The following RABGAP1L variants were observed in gnomAD, a reference collection of about 807,000 sequenced individuals.
RABGAP1L encodes the protein RAB GTPase activating protein 1 like, also known as rab GTPase-activating protein 1-like.
In RABGAP1L, 63 loss-of-function variants were observed where a neutral mutation model predicts 137.7. The ratio of observed to expected loss-of-function variants is 0.46; its 90% CI spans 0.37 to 0.56. The LOEUF (loss-of-function observed/expected upper bound fraction) is 0.56, where lower values mean the gene tolerates loss of function less well. Among genes scored for constraint, RABGAP1L ranks in the 20% least tolerant of loss-of-function variants. The probability of loss-of-function intolerance (pLI) is 0.00; values close to 1 mark genes in which losing one functional copy is unlikely to be tolerated. For missense variants in RABGAP1L, 1,095 were observed against 1,244.0 expected (o/e 0.88, Z 1.80); for synonymous variants, 431 against 433.7 (o/e 0.99, Z 0.08).
intron 25 of RABGAP1L, 43 bp downstream of exon 25, chr1:174,988,881 T>G: frequency 6.7e-7 from 1 of 1,496,284 alleles, no homozygotes; most frequent in Non-Finnish European, 9.0e-7. Flanking sequence ...AATAAACAAT[T>G]AATGGTCCAG....
intron 14 of RABGAP1L, among the ~76,000 whole-genome samples, chr1:174,652,044 C>T (rs1490708861): frequency 6.6e-6 from 1 of 152,178 alleles, no homozygotes. Flanking sequence ...GTGACAAAAT[C>T]TCTCAGCATT....
chr1:174,331,819 C>A, intron 11 of RABGAP1L, among the ~76,000 whole-genome samples: 1 of 126,246 alleles, frequency 7.9e-6, no homozygotes, highest in Non-Finnish European at 1.7e-5. Flanking sequence ...TAATGCTATC[C>A]CTCCCCCTCC....
chr1:174,229,195 CTTG>C (rs1186751056), intron 3 of RABGAP1L, among the ~76,000 whole-genome samples: 1 of 152,096 alleles, frequency 6.6e-6, no homozygotes, highest in African/African-American at 2.4e-5. Context: ...GAGCTTGACA[CTTG>C]TTGTTGGTAT....
intron 13 of RABGAP1L, among the ~76,000 whole-genome samples, chr1:174,435,318 A>C (rs1571791095): frequency 6.6e-6 from 1 of 152,286 alleles, no homozygotes; most frequent in South Asian, 2.1e-4. Flanking sequence ...GCACCTGTTC[A>C]TCTTTGTCTA....
At chr1:174,803,739 T>A (rs1688975831) in intron 18 of RABGAP1L, among the ~76,000 whole-genome samples, 1 of 151,426 alleles carries the variant, frequency 6.6e-6, no homozygotes, top group Non-Finnish European at 1.5e-5. Context: ...GAGCTAATAC[T>A]CAAACAGTGG....
At chr1:174,419,524 C>T (rs1053424421) in intron 13 of RABGAP1L, among the ~76,000 whole-genome samples, 5 of 152,074 alleles carry the variant, frequency 3.3e-5, no homozygotes, top group African/African-American at 9.7e-5. Flanking sequence ...TTCTTTAAAA[C>T]AGTTTTTAAA....
At chr1:174,612,587 G>T (rs1671366194) in intron 13 of RABGAP1L, among the ~76,000 whole-genome samples, 2 of 152,070 alleles carry the variant, frequency 1.3e-5, no homozygotes, top group African/African-American at 2.4e-5. Context: ...AGTTAGGGAG[G>T]ATTCCCTCTT....
intron 7 of RABGAP1L, among the ~76,000 whole-genome samples, chr1:174,261,063 A>T (rs1673543410): frequency 6.6e-6 from 1 of 151,932 alleles, no homozygotes; most frequent in South Asian, 2.1e-4. Flanking sequence ...TCAGGAAGCG[A>T]TTTTTGGCAC....
chr1:174,501,274 G>C (rs1008233024), intron 13 of RABGAP1L, among the ~76,000 whole-genome samples: 1 of 150,988 alleles, frequency 6.6e-6, no homozygotes, highest in Non-Finnish European at 1.5e-5. Context: ...AGTGCACTGG[G>C]GCCATCACGG....
At chr1:174,703,786 T>C (rs1037610297) in intron 17 of RABGAP1L, among the ~76,000 whole-genome samples, 1 of 152,238 alleles carries the variant, frequency 6.6e-6, no homozygotes, top group Admixed American at 6.5e-5. Context: ...CTGACTGTCA[T>C]AAGATAATAT....
chr1:174,475,305 C>CT (rs749067847), intron 13 of RABGAP1L, among the ~76,000 whole-genome samples: 7 of 151,764 alleles, frequency 4.6e-5, no homozygotes, highest in Non-Finnish European at 8.8e-5. Flanking sequence ...CCTTGTTATG[C>CT]TTTTTTTTCT....
At chr1:174,534,383 C>G (rs1003542692) in intron 13 of RABGAP1L, among the ~76,000 whole-genome samples, 1 of 152,050 alleles carries the variant, frequency 6.6e-6, no homozygotes, top group East Asian at 1.9e-4. Context: ...TAGATTAGTA[C>G]TAAATCCTGT....
chr1:174,281,774 C>T (rs1675583644), intron 10 of RABGAP1L, among the ~76,000 whole-genome samples: 1 of 152,132 alleles, frequency 6.6e-6, no homozygotes, highest in African/African-American at 2.4e-5. Flanking sequence ...TTTAATAGTA[C>T]ATTTTGATGA....
rs957679508 is a variant in RABGAP1L at position 174,358,374 on chromosome 1, A to G, written c.1466-12605A>G. ...GAGTCGTTGCTACAACTGAGCCCTC[A>G]TTGGCTGTGGCAGGTGAGTCCTGAT... On this transcript the variant is annotated intron_variant, in intron 11 of 25. Transcript: ENST00000681986. Among the ~76,000 whole-genome samples, 5 of 152,226 alleles carry G rather than the reference A, an allele frequency of 3.3e-5. 1 individual carries two copies. Among genetic ancestry groups the G allele is most frequent in the Admixed American group, 2.6e-4 (4 of 15,276 alleles).
At chr1:174,665,355 T>C (rs1048671513) in intron 14 of RABGAP1L, among the ~76,000 whole-genome samples, 1 of 151,982 alleles carries the variant, frequency 6.6e-6, no homozygotes, top group African/African-American at 2.4e-5. Context: ...TTCCTTCTTT[T>C]CCTTTCCTTC....
chr1:174,371,820 A>G (rs1355157464), intron 12 of RABGAP1L, among the ~76,000 whole-genome samples: 1 of 152,206 alleles, frequency 6.6e-6, no homozygotes, highest in Non-Finnish European at 1.5e-5. Flanking sequence ...TCAGTAGAAG[A>G]AAGAATAATT....
At chr1:174,924,731 C>T (rs12095683) in intron 19 of RABGAP1L, among the ~76,000 whole-genome samples, 1 of 152,098 alleles carries the variant, frequency 6.6e-6, no homozygotes, top group African/African-American at 2.4e-5. Context: ...CTTATGATGA[C>T]CTTCCTTAAG....
chr1:174,193,018 A>G (rs981432013), intron 1 of RABGAP1L, among the ~76,000 whole-genome samples: 3 of 152,228 alleles, frequency 2.0e-5, no homozygotes, highest in Non-Finnish European at 4.4e-5. Flanking sequence ...CTTCATTTGT[A>G]AGGTGGGAAT....
chr1:174,897,647 A>G (rs1341258061), intron 19 of RABGAP1L: 2 of 152,180 alleles, frequency 1.3e-5, no homozygotes, highest in Non-Finnish European at 2.9e-5. Context: ...AGACTTTCCC[A>G]TATAACACTA....
Sources: gnomAD v4.1 joint callset for allele counts (sites outside exome capture counted in the v4.1 genomes callset) on GRCh38, gnomAD v4.1.1 for gene constraint, MANE v1.5 for transcripts, NCBI Gene and HGNC (gene_info 2026-07-23, HGNC 2026-07-21) for gene names.